The following HS2ST1 variants were observed in gnomAD, a reference collection of about 807,000 sequenced individuals.
HS2ST1 encodes the protein heparan sulfate 2-O-sulfotransferase 1.
A neutral mutation model predicts 42.9 loss-of-function variants in HS2ST1; 18 were observed. The ratio of observed to expected loss-of-function variants is 0.42; its 90% CI spans 0.29 to 0.62. The LOEUF (loss-of-function observed/expected upper bound fraction) is 0.62. Ranked by LOEUF, HS2ST1 falls within the 20% of genes least tolerant of loss-of-function variation. The pLI is 0.21. For missense variants in HS2ST1, 334 were observed against 433.8 expected (o/e 0.77, Z 2.04); for synonymous variants, 146 against 152.9 (o/e 0.95, Z 0.33).
chr1:86,977,494 A>G (rs1354968932), intron 1 of HS2ST1, among the ~76,000 whole-genome samples: 1 of 152,222 alleles, frequency 6.6e-6, no homozygotes, highest in Admixed American at 6.5e-5. Context: ...GCATATTTGT[A>G]ATGTCATATG....
intron 1 of HS2ST1, among the ~76,000 whole-genome samples, chr1:86,969,044 A>G (rs1196927733): frequency 6.6e-6 from 1 of 152,196 alleles, no homozygotes; most frequent in East Asian, 1.9e-4. Flanking sequence ...CTACAAATAT[A>G]TGATTTCTTG....
At chr1:87,020,430 A>G (rs1345264819) in intron 1 of HS2ST1, among the ~76,000 whole-genome samples, 1 of 152,294 alleles carries the variant, frequency 6.6e-6, no homozygotes, top group Middle Eastern at 3.4e-3. Flanking sequence ...AATGGGAAAA[A>G]CCACTTTCCC....
At chr1:87,007,690 A>G (rs1649479710) in intron 1 of HS2ST1, among the ~76,000 whole-genome samples, 1 of 152,108 alleles carries the variant, frequency 6.6e-6, no homozygotes, top group Non-Finnish European at 1.5e-5. Flanking sequence ...CTACTTCATG[A>G]CACTTGACTT....
chr1:86,956,974 A>T (rs1048971468), intron 1 of HS2ST1, among the ~76,000 whole-genome samples: 1 of 152,176 alleles, frequency 6.6e-6, no homozygotes, highest in South Asian at 2.1e-4. Context: ...ATCATTCACA[A>T]TTTAGTGGTT....
intron 2 of HS2ST1, among the ~76,000 whole-genome samples, chr1:87,078,763 C>T (rs1651609382): frequency 6.6e-6 from 1 of 152,194 alleles, no homozygotes; most frequent in Non-Finnish European, 1.5e-5. Flanking sequence ...CCTCTTCTTA[C>T]TCCTCTGTAT....
At chr1:86,923,673 G>A (rs1401999459) in intron 1 of HS2ST1, among the ~76,000 whole-genome samples, 1 of 152,192 alleles carries the variant, frequency 6.6e-6, no homozygotes, top group Admixed American at 6.5e-5. Flanking sequence ...TGGGATTACA[G>A]GTGTGAGCCA....
chr1:87,096,722 C>A (rs1325474973), intron 4 of HS2ST1, among the ~76,000 whole-genome samples: 2 of 152,148 alleles, frequency 1.3e-5, no homozygotes, highest in African/African-American at 2.4e-5. Context: ...TCAAACATTG[C>A]CAAATATCAC....
At chr1:87,015,760 A>G (rs1649736398) in intron 1 of HS2ST1, among the ~76,000 whole-genome samples, 2 of 152,088 alleles carry the variant, frequency 1.3e-5, no homozygotes, top group South Asian at 4.1e-4. Context: ...TTGAATTTCT[A>G]CCATAGAATT....
chr1:87,022,976 T>C (rs1005135469), intron 1 of HS2ST1, among the ~76,000 whole-genome samples: 1 of 152,214 alleles, frequency 6.6e-6, no homozygotes, highest in Non-Finnish European at 1.5e-5. Flanking sequence ...ACGTATGATT[T>C]GTATATGCCT....
chr1:87,039,895 T>A (rs144001141), intron 1 of HS2ST1, among the ~76,000 whole-genome samples: 2 of 152,314 alleles, frequency 1.3e-5, no homozygotes, highest in Non-Finnish European at 2.9e-5. Context: ...TGATGGTGTA[T>A]GGAGTGACAG....
At chr1:87,048,791 A>G (rs939315274) in intron 1 of HS2ST1, among the ~76,000 whole-genome samples, 1 of 152,136 alleles carries the variant, frequency 6.6e-6, no homozygotes, top group Non-Finnish European at 1.5e-5. Context: ...TGACTTTTGC[A>G]TGTTAAACCA....
At chr1:86,998,950 GCTC>G (rs1174050338) in intron 1 of HS2ST1, among the ~76,000 whole-genome samples, 2 of 152,066 alleles carry the variant, frequency 1.3e-5, no homozygotes, top group African/African-American at 4.8e-5. Flanking sequence ...ATTTTAATAA[GCTC>G]AGGTGATTCA....
chr1:87,002,781 A>G (rs559910498), intron 1 of HS2ST1, among the ~76,000 whole-genome samples: 62 of 152,064 alleles, frequency 4.1e-4, no homozygotes, highest in South Asian at 1.7e-3. Context: ...TTGGTCACCT[A>G]CAACCCTGAA....
At position 86,917,388 on chromosome 1, in the gene HS2ST1, G is replaced by A. The variant is rs532457851; in HGVS notation, c.124+2228G>A. On this transcript the variant is annotated intron_variant, in intron 1 of 6. Transcript: ENST00000370550. ...ACAAAAATTAGTCGGGCGGGGTGGC[G>A]GGCGCCTGTAATCCCACCTACTCAG... Among the ~76,000 whole-genome samples, 17 of 152,060 alleles carry A rather than the reference G, an allele frequency of 1.1e-4. No individual in the cohort carries two copies. The South Asian group carries it at 2.7e-3, about 24-fold the overall frequency.
chr1:87,094,521 G>A (rs180727654), intron 4 of HS2ST1, among the ~76,000 whole-genome samples: 127 of 152,132 alleles, frequency 8.3e-4, no homozygotes, highest in South Asian at 1.9e-3. Context: ...TAAGTATTTT[G>A]CACGGTGTCA....
chr1:86,939,305 TC>T (rs1171581156), intron 1 of HS2ST1, among the ~76,000 whole-genome samples: 1 of 152,236 alleles, frequency 6.6e-6, no homozygotes, highest in Non-Finnish European at 1.5e-5. Flanking sequence ...TTTCCATTCT[TC>T]CATTGTCCTT....
At chr1:86,941,482 A>G (rs1660761375) in intron 1 of HS2ST1, among the ~76,000 whole-genome samples, 1 of 152,098 alleles carries the variant, frequency 6.6e-6, no homozygotes, top group African/African-American at 2.4e-5. Context: ...TTATAAAAAA[A>G]AAATTACAGC....
intron 1 of HS2ST1, among the ~76,000 whole-genome samples, chr1:87,052,003 A>G (rs1161469499): frequency 6.6e-6 from 1 of 152,242 alleles, no homozygotes; most frequent in African/African-American, 2.4e-5. Context: ...CTGTAATCCC[A>G]GCATCTTGGG....
chr1:87,079,415 GGC>G (rs1217006953), intron 2 of HS2ST1, among the ~76,000 whole-genome samples: 8 of 152,156 alleles, frequency 5.3e-5, no homozygotes, highest in African/African-American at 1.9e-4. Flanking sequence ...TAGGATTATA[GGC>G]GTGAGCCACT....
Sources: allele counts gnomAD v4.1 joint callset (sites outside exome capture counted in the v4.1 genomes callset), GRCh38; gene constraint gnomAD v4.1.1; transcripts MANE v1.5; gene names NCBI Gene and HGNC (gene_info 2026-07-23, HGNC 2026-07-21).